NOTCH2: variants seen among roughly 807,000 people sequenced by gnomAD.
NOTCH2 encodes the protein neurogenic locus notch homolog protein 2.
In NOTCH2, 29 loss-of-function variants were observed where a neutral mutation model predicts 235.8. The observed-to-expected ratio is 0.12, with a 90% CI of 0.09 to 0.17. The LOEUF is 0.17. Among genes scored for constraint, NOTCH2 ranks in the 10% least tolerant of loss-of-function variants. The pLI is 1.00. For missense variants in NOTCH2, 2,285 were observed against 3,150.2 expected, an observed-to-expected ratio of 0.73 and a Z score of 6.57; for synonymous variants, 1,086 against 1,141.5, an observed-to-expected ratio of 0.95 and a Z score of 0.98.
In NOTCH2 at chr1:119,969,538, A is replaced by C. The variant is rs1651281020; in HGVS notation, c.1081T>G (p.Ser361Ala). ...STCIDRVASF[S>A]CMCPEGKAGL... is the part of the protein sequence containing the mutation. ...GCCTTCCCCTCTGGGCACATGCAAG[A>C]GAAGGAGGCCACACGGTCGATGCAG... The change falls in exon 6 of 34, where the codon TCT becomes GCT. Residue 361 changes from serine (S) to alanine (A), a missense_variant. Ser to Ala is a moderately conservative substitution (Grantham distance 99, BLOSUM62 1). Coordinates refer to ENST00000256646, the MANE Select transcript of NOTCH2 (RefSeq NM_024408.4). The C allele has an allele frequency of 6.2e-7, 1 of 1,613,930 alleles. No homozygotes were observed. Among genetic ancestry groups the C allele is most frequent in the African/African-American group, 1.3e-5 (1 of 75,020 alleles).
At chr1:119,953,924 T>C (rs1407209467) in intron 13 of NOTCH2, among the ~76,000 whole-genome samples, 2 of 152,162 alleles carry the variant, frequency 1.3e-5, no homozygotes, top group African/African-American at 4.8e-5. Flanking sequence ...TATAATGAAA[T>C]TTCTTATGTA....
At chr1:119,929,287 G>C (rs587757852) in intron 22 of NOTCH2, 75 bp from the exon 23 acceptor site, 122 of 1,243,364 alleles carry the variant, frequency 9.8e-5, no homozygotes, top group African/African-American at 4.6e-4. Context: ...AACCACCCTT[G>C]TTGGCATTTT....
At chr1:120,048,139 C>T (rs1411266735) in intron 1 of NOTCH2, among the ~76,000 whole-genome samples, 1 of 146,806 alleles carries the variant, frequency 6.8e-6, no homozygotes, top group African/African-American at 2.6e-5. Context: ...GACATATAGT[C>T]CCATAGCCAA....
chr1:119,987,820 G>A (rs1553202410), intron 4 of NOTCH2, among the ~76,000 whole-genome samples: 1 of 152,026 alleles, frequency 6.6e-6, no homozygotes, highest in South Asian at 2.1e-4. Context: ...AATTCATCAG[G>A]CTCTTCTCTA....
chr1:119,980,991 G>C (rs587741005), intron 5 of NOTCH2, among the ~76,000 whole-genome samples: 1 of 152,024 alleles, frequency 6.6e-6, no homozygotes, highest in Admixed American at 6.5e-5. Flanking sequence ...CTCATACTTC[G>C]GGTCCAAATC....
chr1:119,944,533 TAAAAAAAAAAAA>T (rs59660919), intron 17 of NOTCH2, among the ~76,000 whole-genome samples: 1 of 63,186 alleles, frequency 1.6e-5, no homozygotes, highest in Non-Finnish European at 3.1e-5. Flanking sequence ...AGACTCAGTC[TAAAAAAAAAAAA>T]AAAAAAAAAA....
At chr1:120,007,692 C>CA (rs1223729042) in intron 2 of NOTCH2, among the ~76,000 whole-genome samples, 98 of 147,816 alleles carry the variant, frequency 6.6e-4, no homozygotes, top group African/African-American at 1.7e-3. Context: ...GATTCCATCT[C>CA]AAAAAAAAAA....
intron 10 of NOTCH2, 92 bp downstream of exon 10, chr1:119,965,361 G>T: frequency 9.9e-7 from 1 of 1,009,164 alleles, no homozygotes; most frequent in Non-Finnish European, 1.6e-6. Context: ...GAGTGGACTG[G>T]CCTGGCACAG....
Position 119,918,613 on chromosome 1 carries a change from C to T in NOTCH2, c.5782-60G>A, listed in dbSNP as rs1570657637. On this transcript the variant is annotated intron_variant, in intron 31 of 33. Coordinates refer to ENST00000256646, the MANE Select transcript of NOTCH2 (RefSeq NM_024408.4). ...CTGGATGAAGGAAAATAATGAAACTCAGTGAAGAAACAAGGGCATCAGAGC... is the reference window on the plus strand; with the variant it reads ...CTGGATGAAGGAAAATAATGAAACTTAGTGAAGAAACAAGGGCATCAGAGC... 4 of 1,574,042 alleles carry T rather than the reference C, an allele frequency of 2.5e-6. No individual in the cohort carries two copies. The East Asian group carries it at 9.0e-5, about 35-fold the overall frequency.
chr1:120,026,954 T>C (rs76410567), intron 2 of NOTCH2, among the ~76,000 whole-genome samples: 19 of 138,750 alleles, frequency 1.4e-4, no homozygotes, highest in Non-Finnish European at 9.4e-5. Flanking sequence ...CATTTTCTTT[T>C]TTTTTTTTTT....
chr1:119,927,248 C>T (rs1034769519), intron 23 of NOTCH2, among the ~76,000 whole-genome samples: 2 of 152,218 alleles, frequency 1.3e-5, no homozygotes, highest in Non-Finnish European at 2.9e-5. Flanking sequence ...ACGCAGGGCA[C>T]AGCTGGGACT....
chr1:119,916,662 C>G lies in NOTCH2; in HGVS notation c.6060G>C (p.Glu2020Asp), dbSNP rs765526907. 2.5e-6 allele frequency: 4 copies of G among 1,614,076 alleles called. No individual in the cohort carries two copies. Among genetic ancestry groups the G allele is most frequent in the Non-Finnish European group, 3.4e-6 (4 of 1,180,050 alleles). ...EETPLFLAAR[E>D]GSYEAAKILL... ...GGATCTTGGCTGCTTCATAGCTCCC[C>G]TCCCGGGCAGCAAGAAACAGAGGTG... Residue 2020 changes from glutamate to aspartate, a missense_variant, in exon 34 of 34, where the codon GAG becomes GAC. Glu to Asp is a conservative substitution (Grantham distance 45). Around this residue, in one of 6 missense-constraint regions of NOTCH2, gnomAD observed 128 missense variants for 255.9 expected, o/e 0.50. Transcript: ENST00000256646.
intron 5 of NOTCH2, among the ~76,000 whole-genome samples, chr1:119,983,412 C>T (rs954510873): frequency 6.6e-6 from 1 of 152,100 alleles, no homozygotes; most frequent in Non-Finnish European, 1.5e-5. Context: ...CTCAGTTTCC[C>T]AAAGTGCTGG....
chr1:119,949,970 A>T (rs1414225594), intron 15 of NOTCH2: 1 of 158,002 alleles, frequency 6.3e-6, no homozygotes, highest in Non-Finnish European at 1.4e-5. Context: ...ATAACCAATC[A>T]CAAGAAGGCG....
intron 1 of NOTCH2, among the ~76,000 whole-genome samples, chr1:120,066,836 TA>T (rs1570801789): frequency 6.6e-6 from 1 of 150,938 alleles, no homozygotes; most frequent in East Asian, 1.9e-4. Flanking sequence ...AAAAAAGGAA[TA>T]ATAAGAAAGT....
In NOTCH2 at chr1:120,001,495, GC is replaced by G. The variant is rs1652748997; in HGVS notation, c.415+3833del. On this transcript the variant is annotated intron_variant, in intron 3 of 33. Coordinates refer to ENST00000256646, the MANE Select transcript of NOTCH2 (RefSeq NM_024408.4). The stretch of plus-strand genomic sequence containing the variant: ...CTTCCCAGTGCAGAAAACAAGATGG[GC>G]CGGTGGAAAGCTGACCTGGCTACTG... Among the ~76,000 whole-genome samples the G allele has an allele frequency of 2.0e-5, 3 of 152,172 alleles. No individual in the cohort carries two copies. The South Asian group carries it at 6.2e-4, about 32-fold the overall frequency.
chr1:119,953,455 G>C, intron 14 of NOTCH2, 88 bp downstream of exon 14: 3 of 1,405,922 alleles, frequency 2.1e-6, no homozygotes, highest in Non-Finnish European at 3.0e-6. Context: ...GAATGAAAAA[G>C]AGAAAAGGAA....
intron 1 of NOTCH2, among the ~76,000 whole-genome samples, chr1:120,037,548 C>G (rs1377704686): frequency 2.1e-4 from 31 of 144,374 alleles, no homozygotes; most frequent in African/African-American, 8.3e-4. Flanking sequence ...TGGGATCAAG[C>G]CATGAAAAAA....
intron 1 of NOTCH2, among the ~76,000 whole-genome samples, chr1:120,047,675 C>G (rs1654834853): frequency 6.8e-6 from 1 of 147,968 alleles, no homozygotes; most frequent in Non-Finnish European, 1.5e-5. Flanking sequence ...CAGAGTGAGG[C>G]CCTGTCTCAA....
Sources: gnomAD v4.1 joint callset for allele counts (sites outside exome capture counted in the v4.1 genomes callset) on GRCh38, gnomAD v4.1.1 for gene constraint, gnomAD v4.1.1 regional missense constraint, MANE v1.5 for transcripts, NCBI Gene and HGNC (gene_info 2026-07-23, HGNC 2026-07-21) for gene names.